The following WWOX variants were observed in gnomAD, a reference collection of about 807,000 sequenced individuals.
WWOX encodes the protein WW domain containing oxidoreductase, also known as WW domain-containing oxidoreductase.
WWOX carries 69 observed loss-of-function variants against 46.2 expected under a neutral mutation model. The ratio of observed to expected loss-of-function variants is 1.49; its 90% CI spans 1.23 to 1.82. WWOX has a LOEUF of 1.82. Among genes scored for constraint, WWOX ranks in the 40% most tolerant of loss-of-function variants. The pLI, the probability that WWOX is intolerant of heterozygous loss-of-function variation, is 0.00. For synonymous variants in WWOX, 359 were observed against 202.6 expected (o/e 1.77, Z -6.56); for missense variants, 919 against 542.6 (o/e 1.69, Z -6.89).
intron 5 of WWOX, among the ~76,000 whole-genome samples, chr16:78,228,616 A>G (rs2037149129): frequency 6.6e-6 from 1 of 152,186 alleles, no homozygotes; most frequent in South Asian, 2.1e-4. Context: ...TGCTGGGATT[A>G]CAGGTGTGAG....
rs200784896 is a variant in WWOX at position 78,936,057 on chromosome 16, C to G, written c.1057-275551C>G. Among the ~76,000 whole-genome samples the G allele has an allele frequency of 2.7e-4, 41 of 152,008 alleles. No individual in the cohort carries two copies. The East Asian group carries it at 7.4e-3, about 27-fold the overall frequency. On this transcript the variant is annotated intron_variant, in intron 8 of 8. Transcript: ENST00000566780. Reference sequence around the variant, plus strand: ...GAGAGTAGGAGTGAAAGAGTGGAGACTGGCCATAAGTTGGGAGGGTAAGTA... The same window carrying G: ...GAGAGTAGGAGTGAAAGAGTGGAGAGTGGCCATAAGTTGGGAGGGTAAGTA...
chr16:78,459,486 G>T (rs78178026), intron 8 of WWOX, among the ~76,000 whole-genome samples: 1 of 152,112 alleles, frequency 6.6e-6, no homozygotes, highest in Non-Finnish European at 1.5e-5. Context: ...AGGTCATGCG[G>T]TATCTGCCAT....
At chr16:79,189,935 G>GC (rs1555543352) in intron 8 of WWOX, among the ~76,000 whole-genome samples, 5 of 142,650 alleles carry the variant, frequency 3.5e-5, no homozygotes, top group South Asian at 2.3e-4. Flanking sequence ...GGGTGGGGAA[G>GC]GGGGGGGGGA....
At chr16:78,524,868 T>TC (rs1298248594) in intron 8 of WWOX, among the ~76,000 whole-genome samples, 3 of 141,590 alleles carry the variant, frequency 2.1e-5, no homozygotes, top group Non-Finnish European at 4.7e-5. Flanking sequence ...TTTCTTTCTT[T>TC]TTTTTTTTTT....
chr16:78,476,863 C>A (rs1285256647), intron 8 of WWOX, among the ~76,000 whole-genome samples: 1 of 151,938 alleles, frequency 6.6e-6, no homozygotes, highest in Non-Finnish European at 1.5e-5. Context: ...TTTTCCTTCC[C>A]TCCCTTCCTG....
At chr16:78,505,416 G>A (rs111261665) in intron 8 of WWOX, among the ~76,000 whole-genome samples, 443 of 152,320 alleles carry the variant, frequency 2.9e-3, no homozygotes, top group African/African-American at 0.01. Context: ...ACTCTGAGAT[G>A]GAAGAGACTG....
intron 8 of WWOX, among the ~76,000 whole-genome samples, chr16:78,461,240 G>C (rs1380478375): frequency 1.3e-5 from 2 of 152,140 alleles, no homozygotes; most frequent in African/African-American, 4.8e-5. Flanking sequence ...TCCAATTCTA[G>C]CTTCTCCTGG....
At chr16:78,448,702 TA>T (rs2083617248) in intron 8 of WWOX, among the ~76,000 whole-genome samples, 1 of 152,206 alleles carries the variant, frequency 6.6e-6, no homozygotes, top group Admixed American at 6.5e-5. Context: ...GTTGCTGTTT[TA>T]ATGAAGAGGC....
chr16:78,128,034 G>C lies in WWOX; in HGVS notation c.409+12880G>C, dbSNP rs74027792. ...ATGTGTGAAATGCTGTAATGAAGAAGTCCAATAGTGTATGAATATAAGGTT... is the reference window on the plus strand; with the variant it reads ...ATGTGTGAAATGCTGTAATGAAGAACTCCAATAGTGTATGAATATAAGGTT... On this transcript the variant is annotated intron_variant, in intron 4 of 8. Coordinates refer to ENST00000566780, the MANE Select transcript of WWOX (RefSeq NM_016373.4). Among the ~76,000 whole-genome samples, 24 of 152,288 alleles carry C rather than the reference G, an allele frequency of 1.6e-4. No individual in the cohort carries two copies. The South Asian group carries it at 4.3e-3, about 28-fold the overall frequency.
At position 78,671,334 on chromosome 16, in the gene WWOX, A is replaced by G. The variant is rs550147650; in HGVS notation, c.1056+238582A>G. On this transcript the variant is annotated intron_variant, in intron 8 of 8. Transcript: ENST00000566780. ...CAGCTACTTGGGAGGCTGGGATGGAAGCATCATTTGAGCCTGGGAGGTGGA... is the reference window on the plus strand; with the variant it reads ...CAGCTACTTGGGAGGCTGGGATGGAGGCATCATTTGAGCCTGGGAGGTGGA... 5.3e-5 allele frequency among the ~76,000 whole-genome samples: 8 copies of G among 152,312 alleles called. No individual in the cohort carries two copies. The East Asian group carries it at 9.7e-4, about 18-fold the overall frequency.
chr16:78,875,788 C>A lies in WWOX; in HGVS notation c.1057-335820C>A, dbSNP rs531867522. Reference sequence around the variant, plus strand: ...GTAGGCTCTGCATGTCCTGGATAATCCTACAATTGGTGACACGGTTATTGA... The same window carrying A: ...GTAGGCTCTGCATGTCCTGGATAATACTACAATTGGTGACACGGTTATTGA... On this transcript the variant is annotated intron_variant, in intron 8 of 8. Coordinates refer to ENST00000566780, the MANE Select transcript of WWOX (RefSeq NM_016373.4). Among the ~76,000 whole-genome samples, 4 of 152,186 alleles carry A rather than the reference C, an allele frequency of 2.6e-5. No individual in the cohort carries two copies. In the South Asian group the frequency reaches 8.3e-4, roughly 32 times the overall value.
rs538463765 is a variant in WWOX at position 78,782,952 on chromosome 16, A to G, written c.1056+350200A>G. Among the ~76,000 whole-genome samples the G allele has an allele frequency of 3.9e-5, 6 of 152,310 alleles. No homozygotes were observed. The East Asian group carries it at 1.2e-3, about 29-fold the overall frequency. On this transcript the variant is annotated intron_variant, in intron 8 of 8. Transcript: ENST00000566780. The stretch of plus-strand genomic sequence containing the variant: ...TGACTTAGGCATAGATTTCTCATAC[A>G]TCAGGCCATTTCTATGCCTGCCTGT...
chr16:78,573,426 T>C (rs1567654011), intron 8 of WWOX, among the ~76,000 whole-genome samples: 1 of 152,244 alleles, frequency 6.6e-6, no homozygotes, highest in Non-Finnish European at 1.5e-5. Flanking sequence ...GATGAAAACA[T>C]AAGAATGTGG....
intron 6 of WWOX, among the ~76,000 whole-genome samples, chr16:78,418,393 C>A (rs1956731150): frequency 6.6e-6 from 1 of 151,392 alleles, no homozygotes; most frequent in African/African-American, 2.4e-5. Context: ...GAATTAATAT[C>A]AATTTTCCAC....
intron 8 of WWOX, among the ~76,000 whole-genome samples, chr16:78,742,585 G>C (rs945342425): frequency 3.0e-4 from 45 of 152,174 alleles, no homozygotes; most frequent in African/African-American, 1.1e-3. Flanking sequence ...AACGCACAGC[G>C]ATCCCCAGCG....
chr16:79,132,638 A>T (rs1021808607), intron 8 of WWOX, among the ~76,000 whole-genome samples: 1 of 152,104 alleles, frequency 6.6e-6, no homozygotes. Context: ...TTTTTTTAAA[A>T]CAAGAATAAA....
chr16:78,869,207 G>T lies in WWOX; in HGVS notation c.1057-342401G>T, dbSNP rs193275006. Among the ~76,000 whole-genome samples, 491 of 152,240 alleles carry T rather than the reference G, an allele frequency of 3.2e-3. 2 individuals are homozygous for T. The highest frequency in any genetic ancestry group is 0.011 in the African/African-American group (466 of 41,534). The stretch of plus-strand genomic sequence containing the variant: ...TTATTCATGTTCTGTGGACTCTGTG[G>T]TGGGTGGGGTCCAAGCCTCCCTGAA... On this transcript the variant is annotated intron_variant, in intron 8 of 8. Coordinates refer to ENST00000566780, the MANE Select transcript of WWOX (RefSeq NM_016373.4).
chr16:78,479,789 A>T (rs1271097054), intron 8 of WWOX, among the ~76,000 whole-genome samples: 1 of 152,186 alleles, frequency 6.6e-6, no homozygotes, highest in Admixed American at 6.5e-5. Flanking sequence ...GGAGTTTTCC[A>T]AGATAAGATT....
In WWOX at chr16:78,825,579, A is replaced by C. The variant is rs202245531; in HGVS notation, c.1057-386029A>C. On this transcript the variant is annotated intron_variant, in intron 8 of 8. Transcript: ENST00000566780. ...CCCAGAGGTCTGTGTGCCATTGCCCAGGTCGAGTCTGCAGTACAAACTCCT... is the reference window on the plus strand; with the variant it reads ...CCCAGAGGTCTGTGTGCCATTGCCCCGGTCGAGTCTGCAGTACAAACTCCT... The C allele has an allele frequency of 5.3e-4, 282 of 534,238 alleles. 2 individuals are homozygous for C. In the East Asian group the frequency reaches 0.012, roughly 23 times the overall value. 33.1% of individuals were successfully genotyped at this position (534,238 alleles called of 1,614,324 possible).
Sources: allele counts gnomAD v4.1 joint callset (sites outside exome capture counted in the v4.1 genomes callset), GRCh38; gene constraint gnomAD v4.1.1; transcripts MANE v1.5; gene names NCBI Gene and HGNC (gene_info 2026-07-23, HGNC 2026-07-21).